Variants in DGKG observed in about 807,000 individuals in gnomAD.
The protein encoded by DGKG is DAG kinase gamma.
In DGKG, 78 loss-of-function variants were observed where a neutral mutation model predicts 105.3. The observed-to-expected ratio is 0.74, with a 90% CI of 0.62 to 0.89. DGKG has a LOEUF of 0.89. Ranked by LOEUF, DGKG falls within the 40% of genes least tolerant of loss-of-function variation. The probability of loss-of-function intolerance (pLI) is 0.00; values close to 1 mark genes in which losing one functional copy is unlikely to be tolerated. For synonymous variants in DGKG, 346 were observed against 367.1 expected (o/e 0.94, Z 0.66); for missense variants, 958 against 1,020.1 (o/e 0.94, Z 0.83).
At chr3:186,332,881 G>A (rs747304764) in intron 1 of DGKG, among the ~76,000 whole-genome samples, 1 of 152,036 alleles carries the variant, frequency 6.6e-6, no homozygotes, top group Non-Finnish European at 1.5e-5. Flanking sequence ...TATCATGGGA[G>A]GGGAACTGGT....
chr3:186,256,026 C>T (rs887088467), intron 17 of DGKG, among the ~76,000 whole-genome samples: 2 of 152,182 alleles, frequency 1.3e-5, no homozygotes, highest in Non-Finnish European at 2.9e-5. Flanking sequence ...ATAAAGCTCT[C>T]CGCCAAAGCC....
At chr3:186,240,901 G>A (rs1256203221) in intron 20 of DGKG, among the ~76,000 whole-genome samples, 2 of 151,630 alleles carry the variant, frequency 1.3e-5, no homozygotes, top group African/African-American at 4.9e-5. Flanking sequence ...AGTGGTTTGT[G>A]TGTATCTGGG....
chr3:186,306,278 G>T (rs1248980994), intron 3 of DGKG, among the ~76,000 whole-genome samples: 1 of 152,130 alleles, frequency 6.6e-6, no homozygotes, highest in Admixed American at 6.5e-5. Context: ...AGGAAGTGGA[G>T]TCAGGAAAAT....
intron 22 of DGKG, among the ~76,000 whole-genome samples, chr3:186,184,692 G>A (rs1339584501): frequency 1.3e-5 from 2 of 152,056 alleles, no homozygotes; most frequent in African/African-American, 2.4e-5. Context: ...GAGCCACTGC[G>A]CCCGGCCTGA....
At position 186,147,226 on chromosome 3, in the gene DGKG, G is replaced by T. The variant is rs535149979; in HGVS notation, c.*2864C>A. 3 of 985,944 alleles carry T rather than the reference G, an allele frequency of 3.0e-6. No homozygotes were observed. Among genetic ancestry groups the T allele is most frequent in the South Asian group, 9.4e-5 (2 of 21,286 alleles). The allele number at this position is 985,944 out of a possible 1,614,324, so 61.1% of individuals were successfully genotyped here. ...TTCCTGCTTTACAGTTTTTATTGCT[G>T]TTGGGGTAGAAGCATGGGGGGCAGG... On this transcript the variant is annotated 3_prime_UTR_variant, in exon 25 of 25. Coordinates refer to ENST00000265022, the MANE Select transcript of DGKG (RefSeq NM_001346.3).
intron 24 of DGKG, among the ~76,000 whole-genome samples, chr3:186,156,699 T>A (rs1267580785): frequency 6.6e-6 from 1 of 152,008 alleles, no homozygotes; most frequent in Non-Finnish European, 1.5e-5. Context: ...CTTATAGTCA[T>A]CTTCATGCAT....
chr3:186,357,889 A>C (rs1391045482), intron 1 of DGKG, among the ~76,000 whole-genome samples: 1 of 152,272 alleles, frequency 6.6e-6, no homozygotes, highest in African/African-American at 2.4e-5. Context: ...GCCAGAAATC[A>C]CATGCTGCAT....
At chr3:186,176,353 A>G (rs1480493396) in intron 22 of DGKG, among the ~76,000 whole-genome samples, 32 of 152,204 alleles carry the variant, frequency 2.1e-4, no homozygotes, top group Admixed American at 2.1e-3. Flanking sequence ...AGAGATCTGC[A>G]CTGGCCAAAC....
chr3:186,302,874 C>T (rs1190452141), intron 3 of DGKG, among the ~76,000 whole-genome samples: 2 of 152,034 alleles, frequency 1.3e-5, no homozygotes, highest in Non-Finnish European at 2.9e-5. Flanking sequence ...CATGCATGTC[C>T]CCATCCTAGA....
chr3:186,275,704 C>T (rs1234189807), intron 9 of DGKG, 40 bp from the exon 10 acceptor site: 1 of 1,503,736 alleles, frequency 6.7e-7, no homozygotes, highest in Non-Finnish European at 9.1e-7. Context: ...AGCTGGCTGC[C>T]CTGAGATGGA....
At chr3:186,258,990 A>C (rs560544190) in intron 16 of DGKG, among the ~76,000 whole-genome samples, 1 of 152,216 alleles carries the variant, frequency 6.6e-6, no homozygotes, top group Admixed American at 6.5e-5. Flanking sequence ...CCTAAGGTCA[A>C]TATTTCCAAT....
Position 186,308,097 on chromosome 3 carries a change from C to A in DGKG, c.68-1120G>T, listed in dbSNP as rs77559871. On this transcript the variant is annotated intron_variant, in intron 2 of 24. Coordinates refer to ENST00000265022, the MANE Select transcript of DGKG (RefSeq NM_001346.3). The stretch of plus-strand genomic sequence containing the variant: ...CGCCATGATTTCCCCTTAATGTTCC[C>A]TCTATGTTGCATTTACTTTGGAAGG... 3.9e-3 allele frequency among the ~76,000 whole-genome samples: 591 copies of A among 152,174 alleles called. 8 individuals are homozygous for A. Among genetic ancestry groups the A allele is most frequent in the African/African-American group, 0.014 (566 of 41,506 alleles).
intron 24 of DGKG, chr3:186,160,345 A>AG (rs1716234836): frequency 3.0e-6 from 3 of 984,878 alleles, no homozygotes; most frequent in South Asian, 9.4e-5. Context: ...TTTTTTTTGT[A>AG]GGGGGGTTGG....
At chr3:186,299,827 T>A (rs1187894328) in intron 3 of DGKG, among the ~76,000 whole-genome samples, 1 of 107,346 alleles carries the variant, frequency 9.3e-6, no homozygotes, top group African/African-American at 3.4e-5. Context: ...CTTTCTTTCT[T>A]TCTTTCTTTC....
chr3:186,155,688 A>G (rs531026588), intron 24 of DGKG, among the ~76,000 whole-genome samples: 1 of 152,256 alleles, frequency 6.6e-6, no homozygotes, highest in South Asian at 2.1e-4. Context: ...AACTAGATCA[A>G]CGTATATTAA....
At chr3:186,323,723 T>C (rs1264589715) in intron 1 of DGKG, among the ~76,000 whole-genome samples, 1 of 151,822 alleles carries the variant, frequency 6.6e-6, no homozygotes, top group East Asian at 1.9e-4. Context: ...GATCACAAGG[T>C]CAGGAGATCG....
chr3:186,159,600 C>T (rs1716191936), intron 24 of DGKG: 1 of 152,178 alleles, frequency 6.6e-6, no homozygotes, highest in South Asian at 2.1e-4. Context: ...TTCTTTTGGG[C>T]TGTGATAGTC....
At chr3:186,335,422 T>C (rs1725786893) in intron 1 of DGKG, among the ~76,000 whole-genome samples, 1 of 152,236 alleles carries the variant, frequency 6.6e-6, no homozygotes, top group Non-Finnish European at 1.5e-5. Flanking sequence ...TTTTAAACAG[T>C]AATTTCATTT....
intron 4 of DGKG, 110 bp from the exon 5 acceptor site, chr3:186,297,593 C>T (rs1192751855): frequency 9.0e-6 from 7 of 779,456 alleles, no homozygotes; most frequent in Non-Finnish European, 1.5e-5. Flanking sequence ...GTGTCTGTGT[C>T]TCGGGGTTAT....
Sources: gnomAD v4.1 joint callset for allele counts (sites outside exome capture counted in the v4.1 genomes callset) on GRCh38, gnomAD v4.1.1 for gene constraint, MANE v1.5 for transcripts, NCBI Gene and HGNC (gene_info 2026-07-23, HGNC 2026-07-21) for gene names.